Variants in TMEM164 observed in about 807,000 individuals in gnomAD.
TMEM164 encodes RP13-360B22.2.
A neutral mutation model predicts 18.8 loss-of-function variants in TMEM164; 4 were observed. The ratio of observed to expected loss-of-function variants is 0.21; its 90% confidence interval spans 0.10 to 0.49. The LOEUF is 0.49. Among genes scored for constraint, TMEM164 ranks in the 20% least tolerant of loss-of-function variants. The pLI, the probability that TMEM164 is intolerant of heterozygous loss-of-function variation, is 0.98. For missense variants in TMEM164, 108 were observed against 239.9 expected (o/e 0.45, Z 3.63); for synonymous variants, 86 against 101.7 (o/e 0.85, Z 0.93).
rs778316974 is a variant in TMEM164 at position 110,151,442 on chromosome X, T to C, written c.586+6566T>C. 4.1e-3 allele frequency among the ~76,000 whole-genome samples: 456 copies of C among 112,061 alleles called. 6 individuals carry two copies. Among genetic ancestry groups the C allele is most frequent in the African/African-American group, 0.014 (445 of 30,835 alleles). On this transcript the variant is annotated intron_variant, in intron 5 of 6. Transcript: ENST00000372068. ...AAAGGTATATCAGTTCGATTTTAAT[T>C]TTAATTTCACTTTGAGTGAAGCCAA...
chrX:110,082,484 C>A (rs1022121972), intron 3 of TMEM164, among the ~76,000 whole-genome samples: 1 of 111,827 alleles, frequency 8.9e-6, no homozygotes, highest in Non-Finnish European at 1.9e-5. Flanking sequence ...CCACAGAATT[C>A]TTTTCCTCAC....
intron 2 of TMEM164, among the ~76,000 whole-genome samples, chrX:110,010,089 A>G (rs1201065638): frequency 8.9e-6 from 1 of 111,762 alleles, no homozygotes; most frequent in East Asian, 2.8e-4. Flanking sequence ...TAGAATTTCC[A>G]TCACAAAGAA....
chrX:110,181,342 A>C (rs1423565278), downstream of TMEM164, among the ~76,000 whole-genome samples: 5 of 112,367 alleles, frequency 4.4e-5, no homozygotes, highest in East Asian at 1.4e-3. Context: ...CTTGCTCCAG[A>C]GGTGTACAGA....
chrX:110,150,341 G>A (rs751487409), intron 5 of TMEM164, among the ~76,000 whole-genome samples: 23 of 111,946 alleles, frequency 2.1e-4, no homozygotes, highest in Admixed American at 3.8e-4. Flanking sequence ...CACTGGGCCT[G>A]AGGGGCAGGC....
In TMEM164 at chrX:110,173,525, G is replaced by A. The variant is rs1348045371; in HGVS notation, c.*74G>A. On this transcript the variant is annotated 3_prime_UTR_variant, in exon 7 of 7. Transcript: ENST00000372068. ...TTGACTTGGAGAACACCCAGTTCTT[G>A]ATAAAATCATGGGAGAGGGCAGTAG... The A allele has an allele frequency of 2.2e-6, 2 of 928,794 alleles. No homozygotes were observed. Among genetic ancestry groups the A allele is most frequent in the Admixed American group, 2.8e-5 (1 of 36,167 alleles). The allele number at this position is 928,794 out of a possible 1,213,427, so 76.5% of individuals were successfully genotyped here.
intron 3 of TMEM164, among the ~76,000 whole-genome samples, chrX:110,102,311 T>C (rs2066124469): frequency 1.8e-5 from 2 of 110,973 alleles, no homozygotes; most frequent in Non-Finnish European, 3.8e-5. Context: ...GCCACTGCAC[T>C]CCCGTCCTCC....
intron 3 of TMEM164, among the ~76,000 whole-genome samples, chrX:110,091,005 G>T (rs2147920031): frequency 9.0e-6 from 1 of 111,083 alleles, no homozygotes; most frequent in Admixed American, 9.6e-5. Context: ...ATGGTTTCCA[G>T]CTTCATCCAT....
intron 5 of TMEM164, among the ~76,000 whole-genome samples, chrX:110,160,782 C>T (rs1021649099): frequency 1.8e-5 from 2 of 111,795 alleles, no homozygotes; most frequent in Non-Finnish European, 3.8e-5. Context: ...GCTCCGTCAC[C>T]CAGGCTGGAA....
intron 5 of TMEM164, among the ~76,000 whole-genome samples, chrX:110,145,803 C>T (rs2066845120): frequency 8.9e-6 from 1 of 111,874 alleles, no homozygotes; most frequent in African/African-American, 3.3e-5. Context: ...TGCTCTAAAT[C>T]AGGCATTCCG....
At chrX:110,081,550 T>C (rs958891757) in intron 3 of TMEM164, among the ~76,000 whole-genome samples, 8 of 112,291 alleles carry the variant, frequency 7.1e-5, no homozygotes, top group Non-Finnish European at 1.3e-4. Flanking sequence ...CAGGATTTGA[T>C]CCAAAGTTTC....
chrX:110,139,684 G>A (rs1426565288), intron 4 of TMEM164, among the ~76,000 whole-genome samples: 1 of 111,803 alleles, frequency 8.9e-6, no homozygotes, highest in Non-Finnish European at 1.9e-5. Context: ...GTATTGCAAG[G>A]TAAGTAGGAC....
intron 5 of TMEM164, among the ~76,000 whole-genome samples, chrX:110,165,548 T>C (rs1339619616): frequency 8.9e-6 from 1 of 112,342 alleles, no homozygotes; most frequent in African/African-American, 3.2e-5. Flanking sequence ...CACTTAACTG[T>C]TGCTATTTTC....
intron 2 of TMEM164, among the ~76,000 whole-genome samples, chrX:110,037,102 G>A (rs1366729784): frequency 9.1e-6 from 1 of 110,229 alleles, no homozygotes; most frequent in African/African-American, 3.3e-5. Context: ...TCTAGACCCT[G>A]GTAGAGCCGT....
intron 2 of TMEM164, among the ~76,000 whole-genome samples, chrX:110,064,642 T>C (rs1378207866): frequency 9.1e-6 from 1 of 110,123 alleles, no homozygotes; most frequent in Admixed American, 9.8e-5. Context: ...AAATAATCTT[T>C]CAATCAGATA....
chrX:110,158,933 C>T (rs971174803), intron 5 of TMEM164, among the ~76,000 whole-genome samples: 1 of 112,228 alleles, frequency 8.9e-6, no homozygotes, highest in Non-Finnish European at 1.9e-5. Flanking sequence ...AAAATAATAA[C>T]AGTACTTCCT....
In TMEM164 at chrX:110,176,285, AC is replaced by A. The variant is rs2067288649; in HGVS notation, c.*2835del. The A allele has an allele frequency of 2.7e-6, 2 of 754,694 alleles. No homozygotes were observed. The highest frequency in any genetic ancestry group is 1.4e-4 in the South Asian group (2 of 14,726). 62.2% of individuals were successfully genotyped at this position (754,694 alleles called of 1,213,427 possible). A position where few individuals can be genotyped will look rare whatever the true frequency, so the allele number is the denominator to read the frequency against. On this transcript the variant is annotated 3_prime_UTR_variant, in exon 7 of 7. Transcript: ENST00000372068. ...CACTCCAAATAGCAGAGACCCAGTC[AC>A]GCCTGCTTCTGGTCCTCCCTGCCCT... is the stretch of plus-strand genomic sequence containing the variant.
At chrX:110,020,270 C>A in intron 2 of TMEM164, 1 of 533,616 alleles carries the variant, frequency 1.9e-6, no homozygotes, top group Non-Finnish European at 2.3e-6. Flanking sequence ...AAGTCTAGTC[C>A]AATCCCTTTG....
intron 2 of TMEM164, among the ~76,000 whole-genome samples, chrX:110,010,084 T>A (rs1932930336): frequency 8.9e-6 from 1 of 111,977 alleles, no homozygotes; most frequent in African/African-American, 3.2e-5. Context: ...TTTTGTAGAA[T>A]TTCCATCACA....
rs975199828 is a variant in TMEM164 at position 110,004,419 on chromosome X, C to T, written c.390+255C>T. On this transcript the variant is annotated intron_variant, in intron 2 of 6. Transcript: ENST00000372068. The stretch of plus-strand genomic sequence containing the variant: ...ACGACTGGCACTCACCCTGGCTGCC[C>T]CTCCCTTCCAGCCCAGCCCAACCCT... 3.6e-5 allele frequency among the ~76,000 whole-genome samples: 4 copies of T among 111,149 alleles called. No individual in the cohort carries two copies. The East Asian group carries it at 1.1e-3, about 31-fold the overall frequency.
Sources: gnomAD v4.1 joint callset for allele counts (sites outside exome capture counted in the v4.1 genomes callset) on GRCh38, gnomAD v4.1.1 for gene constraint, MANE v1.5 for transcripts, NCBI Gene and HGNC (gene_info 2026-07-23, HGNC 2026-07-21) for gene names.